The following ARF1 variants were observed in gnomAD, a reference collection of about 807,000 sequenced individuals.
ARF1 encodes the protein ARF GTPase 1, also known as ADP-ribosylation factor 1.
ARF1 carries 1 observed loss-of-function variant against 18.0 expected under a neutral mutation model. That is an observed-to-expected ratio of 0.06 (90% CI 0.02 to 0.26). The LOEUF (loss-of-function observed/expected upper bound fraction) is 0.26. Among genes scored for constraint, ARF1 ranks in the 10% least tolerant of loss-of-function variants. The pLI is 1.00. For missense variants in ARF1, 73 were observed against 247.2 expected, an observed-to-expected ratio of 0.30 and a Z score of 4.73; for synonymous variants, 112 against 96.3, an observed-to-expected ratio of 1.16 and a Z score of -0.95.
At chr1:228,085,815 C>T (rs1486624279) in intron 1 of ARF1, among the ~76,000 whole-genome samples, 3 of 152,230 alleles carry the variant, frequency 2.0e-5, no homozygotes, top group African/African-American at 7.2e-5. Context: ...AGAGTTGATT[C>T]AGTCCATGAA....
chr1:228,093,875 G>A (rs748046684), intron 1 of ARF1, among the ~76,000 whole-genome samples: 15 of 149,818 alleles, frequency 1.0e-4, no homozygotes, highest in Non-Finnish European at 1.6e-4. Flanking sequence ...GCAGTGAGCC[G>A]AGATCGCACC....
intron 1 of ARF1, among the ~76,000 whole-genome samples, chr1:228,087,763 C>T (rs1459469382): frequency 6.6e-6 from 1 of 152,190 alleles, no homozygotes; most frequent in Non-Finnish European, 1.5e-5. Context: ...CACACTTTTG[C>T]CTTCAGTAGT....
intron 1 of ARF1, among the ~76,000 whole-genome samples, chr1:228,085,423 T>C (rs2032362625): frequency 6.6e-6 from 1 of 152,242 alleles, no homozygotes; most frequent in Non-Finnish European, 1.5e-5. Context: ...GACAGACATG[T>C]CCTGGATGCT....
intron 1 of ARF1, among the ~76,000 whole-genome samples, chr1:228,092,676 TC>T (rs970546569): frequency 6.6e-6 from 1 of 152,162 alleles, no homozygotes; most frequent in African/African-American, 2.4e-5. Flanking sequence ...TGATCAACCT[TC>T]CGCCTGCGCC....
At chr1:228,096,331 CATT>C (rs1206536270) in intron 1 of ARF1, 1 of 152,292 alleles carries the variant, frequency 6.6e-6, no homozygotes, top group African/African-American at 2.4e-5. Flanking sequence ...AAGAAGCAGT[CATT>C]GTTTCAGAAA....
rs1433464084 is a variant in ARF1 at position 228,082,806 on chromosome 1, G to A, written c.-38+41G>A. The A allele has an allele frequency of 6.6e-6, 1 of 152,240 alleles. No homozygotes were observed. The highest frequency in any genetic ancestry group is 2.4e-5 in the African/African-American group (1 of 41,418). The allele number at this position is 152,240 out of a possible 1,614,324, so 9.4% of individuals were successfully genotyped here. A position where few individuals can be genotyped will look rare whatever the true frequency, so the allele number is the denominator to read the frequency against. ...GCGGGCCGGTGTGGGCCGCAGAGAC[G>A]TTGGAGCCGGCGGGGGCTGGGGACT... On this transcript the variant is annotated intron_variant, in intron 1 of 4. Coordinates refer to ENST00000272102, the MANE Select transcript of ARF1 (RefSeq NM_001658.4). This position sits in a 1 kb window ranked among gnomAD's most constrained non-coding sequence, Gnocchi z 6.1.
At position 228,097,920 on chromosome 1, in the gene ARF1, G is replaced by A. The variant is rs146827674; in HGVS notation, c.453G>A (p.Arg151=). 18 of 1,614,174 alleles carry A rather than the reference G, an allele frequency of 1.1e-5. No individual in the cohort carries two copies. The African/African-American group carries it at 2.4e-4, about 22-fold the overall frequency. The change falls in exon 5 of 5, where the codon AGG becomes AGA. Residue 151 remains arginine, a synonymous_variant. Coordinates refer to ENST00000272102, the MANE Select transcript of ARF1 (RefSeq NM_001658.4). This position sits in a 1 kb window ranked among gnomAD's most constrained non-coding sequence, Gnocchi z 8.1. ...TGGGGCTGCACTCACTACGCCACAG[G>A]AACTGGTACATTCAGGCCACCTGCG... ...DKLGLHSLRH[R]NWYIQATCAT...
At chr1:228,092,174 T>C (rs2032596741) in intron 1 of ARF1, among the ~76,000 whole-genome samples, 2 of 152,132 alleles carry the variant, frequency 1.3e-5, no homozygotes, top group South Asian at 4.1e-4. Context: ...CTGGGTGGGG[T>C]GCATTGGCTC....
Position 228,097,517 on chromosome 1 carries a change from A to G in ARF1, c.259+65A>G. 1 of 1,613,634 alleles carries G rather than the reference A, an allele frequency of 6.2e-7. No homozygotes were observed. The highest frequency in any genetic ancestry group is 8.5e-7 in the Non-Finnish European group (1 of 1,179,784). On this transcript the variant is annotated intron_variant, in intron 3 of 4. Transcript: ENST00000272102. This position sits in a 1 kb window ranked among gnomAD's most constrained non-coding sequence, Gnocchi z 8.1. ...CTAGAGAGGGGGGGCCAGCCCATAG[A>G]TGGGGCATCGATGCCCATAGATGCG... is the stretch of plus-strand genomic sequence containing the variant.
In ARF1 at chr1:228,097,018, G is replaced by A; in HGVS notation, c.-37-60G>A. 2.1e-6 allele frequency: 3 copies of A among 1,462,464 alleles called. No homozygotes were observed. Among genetic ancestry groups the A allele is most frequent in the South Asian group, 2.8e-5 (2 of 72,552 alleles). The allele number at this position is 1,462,464 out of a possible 1,614,324, so 90.6% of individuals were successfully genotyped here. A position where few individuals can be genotyped will look rare whatever the true frequency, so the allele number is the denominator to read the frequency against. ...CAGTGGTGCATCCCTGGGTGGGTGG[G>A]TTCTGAGCAACCACTGCTGGGCAGC... On this transcript the variant is annotated intron_variant, in intron 1 of 4. Coordinates refer to ENST00000272102, the MANE Select transcript of ARF1 (RefSeq NM_001658.4). This position sits in a 1 kb window ranked among gnomAD's most constrained non-coding sequence, Gnocchi z 8.1.
chr1:228,085,166 A>G lies in ARF1; in HGVS notation c.-38+2401A>G, dbSNP rs528966005. On this transcript the variant is annotated intron_variant, in intron 1 of 4. Coordinates refer to ENST00000272102, the MANE Select transcript of ARF1 (RefSeq NM_001658.4). ...GTTTTCTGTGTTGTGCCTGCTCCTC[A>G]TTGGCGTGGATGGTTGGTAGGGGCA... Among the ~76,000 whole-genome samples the G allele has an allele frequency of 5.9e-5, 9 of 152,336 alleles. No individual in the cohort carries two copies. In the East Asian group the frequency reaches 1.5e-3, roughly 26 times the overall value.
chr1:228,098,171 G>T lies in ARF1; in HGVS notation c.*158G>T. The stretch of plus-strand genomic sequence containing the variant: ...TGTGGCAGACGCAGCCTGCGGCCAG[G>T]CTTTTTATTTAATGTAAATAGTTTT... On this transcript the variant is annotated 3_prime_UTR_variant, in exon 5 of 5. Transcript: ENST00000272102. 1.2e-6 allele frequency: 1 copy of T among 838,938 alleles called. No homozygotes were observed. Among genetic ancestry groups the T allele is most frequent in the Non-Finnish European group, 1.7e-6 (1 of 573,612 alleles). 52.0% of individuals were successfully genotyped at this position (838,938 alleles called of 1,614,324 possible). A position where few individuals can be genotyped will look rare whatever the true frequency, so the allele number is the denominator to read the frequency against.
chr1:228,097,879 G>A lies in ARF1; in HGVS notation c.412G>A (p.Glu138Lys). Residue 138 changes from glutamate (E) to lysine (K), a missense_variant, in exon 5 of 5, where the codon GAG (glutamate) becomes AAG (lysine). Physicochemically the swap from Glu to Lys is moderately conservative, Grantham distance 56. This residue lies in a region of ARF1 where 48 missense variants were observed against 144.7 expected (regional missense o/e 0.33). Coordinates refer to ENST00000272102, the MANE Select transcript of ARF1 (RefSeq NM_001658.4). This position sits in a 1 kb window ranked among gnomAD's most constrained non-coding sequence, Gnocchi z 8.1. ...CCTCCCCAACGCCATGAATGCGGCCGAGATCACAGACAAGCTGGGGCTGCA... is the reference window on the plus strand; with the variant it reads ...CCTCCCCAACGCCATGAATGCGGCCAAGATCACAGACAAGCTGGGGCTGCA... ...QDLPNAMNAAEITDKLGLHSL... is the reference protein window; with the variant it reads ...QDLPNAMNAAKITDKLGLHSL... The A allele has an allele frequency of 6.2e-7, 1 of 1,614,040 alleles. No homozygotes were observed. Among genetic ancestry groups the A allele is most frequent in the Non-Finnish European group, 8.5e-7 (1 of 1,179,974 alleles).
rs1300712274 is a variant in ARF1 at position 228,099,028 on chromosome 1, AAGCTGG to A, written c.*1021_*1026del. On this transcript the variant is annotated 3_prime_UTR_variant, in exon 5 of 5. Coordinates refer to ENST00000272102, the MANE Select transcript of ARF1 (RefSeq NM_001658.4). ...TTCTTTTGTATTTTGATAAACACTG[AAGCTGG>A]AGCTGTTAAATTTATCTTGGGGAAA... The A allele has an allele frequency of 6.6e-6, 1 of 152,624 alleles. No individual in the cohort carries two copies. Among genetic ancestry groups the A allele is most frequent in the African/African-American group, 2.4e-5 (1 of 41,450 alleles). The allele number at this position is 152,624 out of a possible 1,614,324, so 9.5% of individuals were successfully genotyped here. A position where few individuals can be genotyped will look rare whatever the true frequency, so the allele number is the denominator to read the frequency against.
At chr1:228,090,591 G>A (rs776937629) in intron 1 of ARF1, 2 of 152,222 alleles carry the variant, frequency 1.3e-5, no homozygotes, top group Admixed American at 6.5e-5. Context: ...TTTCCCAGTG[G>A]CCAGTCCATC....
intron 1 of ARF1, among the ~76,000 whole-genome samples, chr1:228,084,045 G>T (rs2032313413): frequency 6.6e-6 from 1 of 152,242 alleles, no homozygotes; most frequent in Non-Finnish European, 1.5e-5. Context: ...TGCAAGGCTG[G>T]TGGTTCTGGC....
At chr1:228,088,665 T>A (rs571721074) in intron 1 of ARF1, among the ~76,000 whole-genome samples, 2 of 152,316 alleles carry the variant, frequency 1.3e-5, no homozygotes, top group African/African-American at 4.8e-5. Flanking sequence ...CTACAGTAGT[T>A]GCTTCATGGA....
chr1:228,094,842 G>A (rs983088240), intron 1 of ARF1, among the ~76,000 whole-genome samples: 3 of 152,186 alleles, frequency 2.0e-5, no homozygotes, highest in African/African-American at 7.2e-5. Flanking sequence ...ATTCTCTGGG[G>A]CATCAGAGGT....
intron 1 of ARF1, among the ~76,000 whole-genome samples, chr1:228,086,136 T>A (rs1449153631): frequency 2.0e-5 from 3 of 152,198 alleles, no homozygotes; most frequent in Non-Finnish European, 4.4e-5. Context: ...CACTTTTGCC[T>A]TCAGTAGTTA....
Sources: allele counts gnomAD v4.1 joint callset (sites outside exome capture counted in the v4.1 genomes callset), GRCh38; gene constraint gnomAD v4.1.1; regional missense constraint gnomAD v4.1.1; non-coding constraint Gnocchi (gnomAD v3.1); transcripts MANE v1.5; gene names NCBI Gene and HGNC (gene_info 2026-07-23, HGNC 2026-07-21).